The following PIK3C2G variants were observed in gnomAD, a reference collection of about 807,000 sequenced individuals.
PIK3C2G encodes phosphatidylinositol-4-phosphate 3-kinase catalytic subunit type 2 gamma, also known as phosphatidylinositol 3-kinase C2 domain-containing subunit gamma.
Under a neutral mutation model 181.1 loss-of-function variants are expected in PIK3C2G, and 168 were observed. The ratio of observed to expected loss-of-function variants is 0.93; its 90% CI spans 0.82 to 1.05. The LOEUF (loss-of-function observed/expected upper bound fraction) is 1.05. Ranked by LOEUF, PIK3C2G falls within the 50% of genes least tolerant of loss-of-function variation. The probability of loss-of-function intolerance (pLI) is 0.00; values close to 1 mark genes in which losing one functional copy is unlikely to be tolerated. For missense variants in PIK3C2G, 1,869 were observed against 1,732.8 expected (o/e 1.08, Z -1.40); for synonymous variants, 573 against 592.2 (o/e 0.97, Z 0.47).
At chr12:18,567,926 C>G (rs1325627254) in intron 29 of PIK3C2G, among the ~76,000 whole-genome samples, 1 of 152,048 alleles carries the variant, frequency 6.6e-6, no homozygotes, top group Non-Finnish European at 1.5e-5. Context: ...TTTTCAATTT[C>G]TAGAGGCTGC....
intron 5 of PIK3C2G, among the ~76,000 whole-genome samples, chr12:18,295,711 A>T (rs1949910054): frequency 6.6e-6 from 1 of 152,138 alleles, no homozygotes; most frequent in South Asian, 2.1e-4. Context: ...AAATATAGTC[A>T]TTTATTCCCT....
intron 25 of PIK3C2G, among the ~76,000 whole-genome samples, chr12:18,540,117 A>T (rs1944072341): frequency 6.6e-6 from 1 of 151,828 alleles, no homozygotes; most frequent in African/African-American, 2.4e-5. Context: ...GCTCTAGCTC[A>T]TGAATTCATG....
intron 15 of PIK3C2G, among the ~76,000 whole-genome samples, chr12:18,396,797 AT>A (rs1242304004): frequency 6.6e-6 from 1 of 151,718 alleles, no homozygotes; most frequent in East Asian, 1.9e-4. Flanking sequence ...AAATGAAAAA[AT>A]ATACTACATT....
the PIK3C2G span, among the ~76,000 whole-genome samples, chr12:18,667,779 C>T: frequency 2.6e-5 from 4 of 152,082 alleles, no homozygotes; most frequent in Non-Finnish European, 5.9e-5. Flanking sequence ...TAAGAAATGT[C>T]CTTGAGCCCA....
chr12:18,387,818 A>G (rs1174966176), intron 14 of PIK3C2G, among the ~76,000 whole-genome samples: 1 of 152,236 alleles, frequency 6.6e-6, no homozygotes, highest in Non-Finnish European at 1.5e-5. Context: ...TAAATTAATG[A>G]TATGTATCCA....
At chr12:18,724,329 TGA>T in the PIK3C2G span, among the ~76,000 whole-genome samples, 1 of 151,878 alleles carries the variant, frequency 6.6e-6, no homozygotes, top group African/African-American at 2.4e-5. Context: ...TTTAGACAAA[TGA>T]GAGAGATAAC....
chr12:18,712,801 T>C, the PIK3C2G span: 16 of 1,601,156 alleles, frequency 1.0e-5, no homozygotes, highest in African/African-American at 2.0e-4. Flanking sequence ...TAGAATTGCT[T>C]CTGTTTAAAT....
At chr12:18,268,173 A>T (rs1948588988) in intron 1 of PIK3C2G, among the ~76,000 whole-genome samples, 1 of 152,068 alleles carries the variant, frequency 6.6e-6, no homozygotes, top group Admixed American at 6.6e-5. Context: ...TTTTCCTTCC[A>T]TTTCTGTTTA....
rs368465128 is a variant in PIK3C2G at position 18,420,301 on chromosome 12, G to A, written c.2316-640G>A. Among the ~76,000 whole-genome samples the A allele has an allele frequency of 1.4e-4, 21 of 152,034 alleles. No individual in the cohort carries two copies. In the East Asian group the frequency reaches 2.5e-3, roughly 18 times the overall value. ...TTCAGGATAAATTGTCTTTGGAACA[G>A]GACTTCAAATGCTAAATACCTCACA... On this transcript the variant is annotated intron_variant, in intron 16 of 32. Coordinates refer to ENST00000538779, the MANE Select transcript of PIK3C2G (RefSeq NM_001288772.2).
chr12:18,355,011 A>T (rs2137733936), intron 11 of PIK3C2G, among the ~76,000 whole-genome samples: 1 of 152,358 alleles, frequency 6.6e-6, no homozygotes, highest in South Asian at 2.1e-4. Context: ...CACTTATGCC[A>T]TGCCTCCATT....
intron 10 of PIK3C2G, among the ~76,000 whole-genome samples, chr12:18,346,424 G>A (rs1939676563): frequency 6.6e-6 from 1 of 152,132 alleles, no homozygotes; most frequent in Non-Finnish European, 1.5e-5. Flanking sequence ...CAAGATTTCT[G>A]CAGCTGAAGA....
intron 24 of PIK3C2G, among the ~76,000 whole-genome samples, chr12:18,536,609 G>A (rs1240724878): frequency 6.6e-6 from 1 of 152,060 alleles, no homozygotes; most frequent in Non-Finnish European, 1.5e-5. Flanking sequence ...TTATGTACAT[G>A]TACATTTCCT....
At chr12:18,319,731 A>G (rs1293455261) in intron 6 of PIK3C2G, among the ~76,000 whole-genome samples, 2 of 152,114 alleles carry the variant, frequency 1.3e-5, no homozygotes, top group African/African-American at 4.8e-5. Flanking sequence ...TACAGTTCAA[A>G]TCTTACTTAT....
chr12:18,706,300 G>A, the PIK3C2G span, among the ~76,000 whole-genome samples: 5 of 151,318 alleles, frequency 3.3e-5, no homozygotes, highest in East Asian at 3.9e-4. Flanking sequence ...AGTTATCTAC[G>A]GGTTTATGAA....
In PIK3C2G at chr12:18,291,056, G is replaced by T. The variant is rs139855331; in HGVS notation, c.919+44G>T. On this transcript the variant is annotated intron_variant, in intron 4 of 32. Coordinates refer to ENST00000538779, the MANE Select transcript of PIK3C2G (RefSeq NM_001288772.2). ...AAGTCTACAAATCTATACAAAGCTG[G>T]TATTGGCGACGTAGCCTTGAATTCA... The T allele has an allele frequency of 3.4e-5, 43 of 1,247,726 alleles. No homozygotes were observed. The African/African-American group carries it at 6.3e-4, about 18-fold the overall frequency. 77.3% of individuals were successfully genotyped at this position (1,247,726 alleles called of 1,614,324 possible).
intron 12 of PIK3C2G, among the ~76,000 whole-genome samples, chr12:18,370,805 G>T (rs1196008932): frequency 6.6e-6 from 1 of 151,944 alleles, no homozygotes; most frequent in Non-Finnish European, 1.5e-5. Flanking sequence ...TCTCATTATA[G>T]CTAACTTAAA....
chr12:18,597,055 A>G (rs1197531594), intron 30 of PIK3C2G, among the ~76,000 whole-genome samples: 1 of 152,084 alleles, frequency 6.6e-6, no homozygotes, highest in Non-Finnish European at 1.5e-5. Flanking sequence ...GAAAAAGATT[A>G]AAAAATGATG....
chr12:18,492,263 G>C (rs1162946146), intron 20 of PIK3C2G, among the ~76,000 whole-genome samples: 1 of 152,132 alleles, frequency 6.6e-6, no homozygotes, highest in African/African-American at 2.4e-5. Context: ...AAAGTGAAGA[G>C]GTTAAGCTAT....
chr12:18,292,227 A>AAAAAAAATAT lies in PIK3C2G; in HGVS notation c.919+1216_919+1217insAAAAAATATA. 1.3e-3 allele frequency among the ~76,000 whole-genome samples: 61 copies of AAAAAAAATAT among 48,682 alleles called. 1 individual carries two copies. The highest frequency in any genetic ancestry group is 2.2e-3 in the African/African-American group (20 of 9,050). The allele number at this position is 48,682 out of a possible 152,430, so 31.9% of individuals were successfully genotyped here. A position where few individuals can be genotyped will look rare whatever the true frequency, so the allele number is the denominator to read the frequency against. ...CTCCATCTCAAAAAAAAAAAAAAAA[A>AAAAAAAATAT]ATATATATATATATATATATATATA... On this transcript the variant is annotated intron_variant, in intron 4 of 32. Transcript: ENST00000538779.
Sources: allele counts gnomAD v4.1 joint callset (sites outside exome capture counted in the v4.1 genomes callset), GRCh38; gene constraint gnomAD v4.1.1; transcripts MANE v1.5; gene names NCBI Gene and HGNC (gene_info 2026-07-23, HGNC 2026-07-21).